Variants in WDR33 observed in about 807,000 individuals in gnomAD.
The protein encoded by WDR33 is WD repeat domain 33.
Under a neutral mutation model 164.9 loss-of-function variants are expected in WDR33, and 47 were observed. The observed-to-expected ratio is 0.29, with a 90% CI of 0.23 to 0.36. WDR33 has a LOEUF of 0.36. Among genes scored for constraint, WDR33 ranks in the 10% least tolerant of loss-of-function variants. WDR33 has a pLI of 1.00. For synonymous variants in WDR33, 505 were observed against 589.0 expected, an observed-to-expected ratio of 0.86 and a Z score of 2.06; for missense variants, 1,137 against 1,754.1, an observed-to-expected ratio of 0.65 and a Z score of 6.28.
chr2:127,804,090 G>A (rs776321966), intron 1 of WDR33, among the ~76,000 whole-genome samples: 2 of 152,158 alleles, frequency 1.3e-5, no homozygotes, highest in African/African-American at 4.8e-5. Context: ...GGGAGGCCGA[G>A]GAGGGTGGAT....
intron 7 of WDR33, among the ~76,000 whole-genome samples, chr2:127,755,684 A>C (rs1687499116): frequency 2.6e-5 from 4 of 152,206 alleles, no homozygotes; most frequent in Admixed American, 2.6e-4. Flanking sequence ...AAGTGTACAG[A>C]CTACAAATTA....
At chr2:127,736,126 TATTAC>T in intron 7 of WDR33, 1 of 985,416 alleles carries the variant, frequency 1.0e-6, no homozygotes. Context: ...ATATGTACAT[TATTAC>T]AAATCTGTGG....
At chr2:127,728,874 G>A (rs184438156) in intron 7 of WDR33, among the ~76,000 whole-genome samples, 20 of 152,248 alleles carry the variant, frequency 1.3e-4, no homozygotes, top group African/African-American at 4.1e-4. Context: ...TCTGGGACAC[G>A]TTTATTACAT....
At chr2:127,761,059 T>C (rs774295679) in intron 7 of WDR33, among the ~76,000 whole-genome samples, 7 of 152,308 alleles carry the variant, frequency 4.6e-5, no homozygotes, top group South Asian at 4.1e-4. Context: ...ATTACCAAAA[T>C]TGAATAATGC....
intron 1 of WDR33, among the ~76,000 whole-genome samples, chr2:127,773,810 C>T (rs59727076): frequency 0.073 from 11,097 of 152,186 alleles, 421 homozygotes; most frequent in Non-Finnish European, 0.088. Flanking sequence ...GTTGCCCAGG[C>T]TGGAGTGCAG....
intron 7 of WDR33, among the ~76,000 whole-genome samples, chr2:127,754,196 C>G (rs1020996573): frequency 1.3e-5 from 2 of 152,218 alleles, no homozygotes; most frequent in African/African-American, 4.8e-5. Flanking sequence ...TTGGCAACAT[C>G]TCCTTATGGG....
intron 7 of WDR33, among the ~76,000 whole-genome samples, chr2:127,753,154 T>G (rs1454833597): frequency 6.6e-6 from 1 of 152,206 alleles, no homozygotes; most frequent in Non-Finnish European, 1.5e-5. Context: ...CTCAAATGCC[T>G]GACCTCAAGT....
intron 7 of WDR33, among the ~76,000 whole-genome samples, chr2:127,747,307 A>T (rs1052141535): frequency 6.6e-6 from 1 of 152,240 alleles, no homozygotes; most frequent in Non-Finnish European, 1.5e-5. Flanking sequence ...TTTAACATAC[A>T]GTGTTTAAAA....
At chr2:127,783,699 G>C (rs964926993) in intron 1 of WDR33, among the ~76,000 whole-genome samples, 1 of 140,338 alleles carries the variant, frequency 7.1e-6, no homozygotes, top group Non-Finnish European at 1.5e-5. Context: ...CCGCCTCCTA[G>C]GTTCAAGTGA....
intron 1 of WDR33, among the ~76,000 whole-genome samples, chr2:127,807,071 C>G (rs745527584): frequency 2.6e-5 from 4 of 152,094 alleles, no homozygotes; most frequent in Non-Finnish European, 4.4e-5. Flanking sequence ...AATGCGCAAT[C>G]TCAGCTCACT....
At chr2:127,765,133 A>G (rs1406266254) in intron 5 of WDR33, 41 bp downstream of exon 5, 1 of 1,589,308 alleles carries the variant, frequency 6.3e-7, no homozygotes, top group Non-Finnish European at 8.6e-7. Flanking sequence ...AGTTCTTTAC[A>G]GTACCACAGG....
chr2:127,711,780 A>ATATATATTTTTTTTTTTTT, intron 18 of WDR33, among the ~76,000 whole-genome samples: 1 of 88,318 alleles, frequency 1.1e-5, no homozygotes, highest in Admixed American at 1.2e-4. Flanking sequence ...ATATATATAT[A>ATATATATTTTTTTTTTTTT]TTTTTTTTTT....
intron 7 of WDR33, among the ~76,000 whole-genome samples, chr2:127,727,997 C>G (rs1319044726): frequency 6.6e-6 from 1 of 152,126 alleles, no homozygotes; most frequent in Non-Finnish European, 1.5e-5. Context: ...AACACAATAC[C>G]CCGTACTGGC....
At position 127,702,828 on chromosome 2, in the gene WDR33, C is replaced by G. The variant is rs968220881; in HGVS notation, c.*3495G>C. 6.0e-6 allele frequency: 1 copy of G among 166,852 alleles called. No individual in the cohort carries two copies. Among genetic ancestry groups the G allele is most frequent in the African/African-American group, 2.4e-5 (1 of 41,458 alleles). 10.3% of individuals were successfully genotyped at this position (166,852 alleles called of 1,614,324 possible). A position where few individuals can be genotyped will look rare whatever the true frequency, so the allele number is the denominator to read the frequency against. On this transcript the variant is annotated 3_prime_UTR_variant, in exon 22 of 22. Coordinates refer to ENST00000322313, the MANE Select transcript of WDR33 (RefSeq NM_018383.5). ...AAAGCGACGGACCAAAAGAAATTTC[C>G]TGCCCCAAGAAGCATGGGATCCAGG...
At chr2:127,760,250 T>C (rs1211639846) in intron 7 of WDR33, among the ~76,000 whole-genome samples, 1 of 152,190 alleles carries the variant, frequency 6.6e-6, no homozygotes, top group Non-Finnish European at 1.5e-5. Context: ...TCCCCTTAAA[T>C]AGAATTATTT....
intron 7 of WDR33, among the ~76,000 whole-genome samples, chr2:127,745,346 G>T (rs890005774): frequency 6.6e-6 from 1 of 152,208 alleles, no homozygotes; most frequent in African/African-American, 2.4e-5. Flanking sequence ...GGACCAGTGT[G>T]ATGTTGGAAT....
intron 7 of WDR33, among the ~76,000 whole-genome samples, chr2:127,730,091 G>T (rs1573894341): frequency 6.6e-6 from 1 of 152,066 alleles, no homozygotes; most frequent in African/African-American, 2.4e-5. Context: ...GACTTTTCAC[G>T]ACACATAGTT....
intron 7 of WDR33, among the ~76,000 whole-genome samples, chr2:127,733,649 C>T (rs558192567): frequency 1.2e-4 from 18 of 152,162 alleles, no homozygotes; most frequent in South Asian, 4.1e-4. Flanking sequence ...AATAGTCACA[C>T]GTGACTAGTG....
At chr2:127,747,469 T>C (rs1687200054) in intron 7 of WDR33, among the ~76,000 whole-genome samples, 1 of 151,422 alleles carries the variant, frequency 6.6e-6, no homozygotes, top group African/African-American at 2.4e-5. Context: ...ACTTTTACAA[T>C]CTAAAACCTT....
Sources: gnomAD v4.1 joint callset for allele counts (sites outside exome capture counted in the v4.1 genomes callset) on GRCh38, gnomAD v4.1.1 for gene constraint, MANE v1.5 for transcripts, NCBI Gene and HGNC (gene_info 2026-07-23, HGNC 2026-07-21) for gene names.